ACOX3: variants seen among roughly 807,000 people sequenced by gnomAD.
ACOX3 encodes peroxisomal acyl-coenzyme A oxidase 3.
ACOX3 carries 73 observed loss-of-function variants against 81.5 expected under a neutral mutation model. The observed-to-expected ratio is 0.90, with a 90% CI of 0.74 to 1.09. The LOEUF (loss-of-function observed/expected upper bound fraction) is 1.09, where lower values mean the gene tolerates loss of function less well. Ranked by LOEUF, ACOX3 falls within the 50% of genes least tolerant of loss-of-function variation. ACOX3 has a pLI of 0.00. For synonymous variants in ACOX3, 387 were observed against 375.1 expected (o/e 1.03, Z -0.37); for missense variants, 947 against 928.0 (o/e 1.02, Z -0.27).
chr4:8,419,967 C>A lies in ACOX3; in HGVS notation c.-14-3432G>T, dbSNP rs576257429. Among the ~76,000 whole-genome samples, 4 of 152,326 alleles carry A rather than the reference C, an allele frequency of 2.6e-5. No homozygotes were observed. Among genetic ancestry groups the A allele is most frequent in the African/African-American group, 9.6e-5 (4 of 41,574 alleles). On this transcript the variant is annotated intron_variant, in intron 1 of 17. Coordinates refer to ENST00000356406, the MANE Select transcript of ACOX3 (RefSeq NM_003501.3). This position sits in a 1 kb window ranked among gnomAD's most constrained non-coding sequence, Gnocchi z 4.2. ...CCTTACGGAATCTTCTCATTTCTCTCCAGCCTGATAAAACCCTCATAACAA... is the reference window on the plus strand; with the variant it reads ...CCTTACGGAATCTTCTCATTTCTCTACAGCCTGATAAAACCCTCATAACAA...
At position 8,416,290 on chromosome 4, in the gene ACOX3, G is replaced by T; in HGVS notation, c.144+88C>A. On this transcript the variant is annotated intron_variant, in intron 2 of 17. Transcript: ENST00000356406. This position sits in a 1 kb window ranked among gnomAD's most constrained non-coding sequence, Gnocchi z 4.2. ...GGATGAGCCTCGCCCGGCAGAGGAG[G>T]AGCTGTGAGAGCCAGAAATCCCATT... The T allele has an allele frequency of 6.2e-7, 1 of 1,605,850 alleles. No individual in the cohort carries two copies. Among genetic ancestry groups the T allele is most frequent in the South Asian group, 1.1e-5 (1 of 90,544 alleles).
In ACOX3 at chr4:8,384,103, T is replaced by C. The variant is rs578258797; in HGVS notation, c.1538-2496A>G. 3.9e-5 allele frequency among the ~76,000 whole-genome samples: 6 copies of C among 152,246 alleles called. No individual in the cohort carries two copies. Among genetic ancestry groups the C allele is most frequent in the South Asian group, 4.1e-4 (2 of 4,828 alleles). On this transcript the variant is annotated intron_variant, in intron 13 of 17. Coordinates refer to ENST00000356406, the MANE Select transcript of ACOX3 (RefSeq NM_003501.3). This position sits in a 1 kb window ranked among gnomAD's most constrained non-coding sequence, Gnocchi z 5.3. Reference sequence around the variant, plus strand: ...GACACTTCACGGCAGTTACCCGAGTTTTCCAATCTGTCTCTGCAACCAGAA... The same window carrying C: ...GACACTTCACGGCAGTTACCCGAGTCTTCCAATCTGTCTCTGCAACCAGAA...
intron 14 of ACOX3, among the ~76,000 whole-genome samples, chr4:8,378,506 G>A (rs1332074628): frequency 6.6e-6 from 1 of 151,876 alleles, no homozygotes; most frequent in Non-Finnish European, 1.5e-5. Context: ...CTGCGGGGAC[G>A]CCACCACCCA....
At chr4:8,428,972 G>C (rs187782814) in intron 1 of ACOX3, among the ~76,000 whole-genome samples, 261 of 152,280 alleles carry the variant, frequency 1.7e-3, no homozygotes, top group Non-Finnish European at 2.7e-3. Flanking sequence ...GCCCCTAGTG[G>C]AAGTGGGCCC....
At chr4:8,375,634 TCCTCCAAAG>T (rs1008980640) in intron 14 of ACOX3, among the ~76,000 whole-genome samples, 4 of 152,220 alleles carry the variant, frequency 2.6e-5, no homozygotes, top group African/African-American at 7.2e-5. Flanking sequence ...TGCCACCCCG[TCCTCCAAAG>T]CCTCCAAAGC....
intron 16 of ACOX3, among the ~76,000 whole-genome samples, chr4:8,371,265 G>A (rs1441857381): frequency 1.3e-5 from 2 of 152,276 alleles, no homozygotes; most frequent in Non-Finnish European, 2.9e-5. Context: ...TAAAAGTGAC[G>A]ACCCTGAAGC....
intron 1 of ACOX3, among the ~76,000 whole-genome samples, chr4:8,433,610 C>T (rs1394549420): frequency 6.6e-6 from 1 of 152,232 alleles, no homozygotes; most frequent in African/African-American, 2.4e-5. Context: ...GCCAGTGTGT[C>T]TGGGAGGATA....
chr4:8,401,346 C>T (rs1720353831), intron 7 of ACOX3, among the ~76,000 whole-genome samples: 1 of 152,176 alleles, frequency 6.6e-6, no homozygotes, highest in Admixed American at 6.5e-5. Context: ...ATCTCACATG[C>T]TGGAAGGGAA....
At chr4:8,388,663 G>A (rs1459388173) in intron 13 of ACOX3, among the ~76,000 whole-genome samples, 1 of 152,194 alleles carries the variant, frequency 6.6e-6, no homozygotes, top group Admixed American at 6.5e-5. Context: ...GCCCCACCCC[G>A]ACCACCGCAC....
Position 8,394,770 on chromosome 4 carries a change from C to T in ACOX3, c.1057-28G>A. 1 of 1,603,146 alleles carries T rather than the reference C, an allele frequency of 6.2e-7. No individual in the cohort carries two copies. The highest frequency in any genetic ancestry group is 8.5e-7 in the Non-Finnish European group (1 of 1,172,924). ...AGAACAGACAAGACACCTGCGTGAA[C>T]ACATCGTGGTTCCCATGAAGGGCAG... On this transcript the variant is annotated intron_variant, in intron 9 of 17. Coordinates refer to ENST00000356406, the MANE Select transcript of ACOX3 (RefSeq NM_003501.3). This position sits in a 1 kb window ranked among gnomAD's most constrained non-coding sequence, Gnocchi z 5.9.
the ACOX3 span, among the ~76,000 whole-genome samples, chr4:8,360,122 G>A: frequency 1.3e-5 from 2 of 152,106 alleles, no homozygotes; most frequent in African/African-American, 4.8e-5. Context: ...GTAACCATGT[G>A]GCCATGCTTT....
In ACOX3 at chr4:8,368,087, C is replaced by T. The variant is rs1026465382; in HGVS notation, c.1984-1007G>A. Among the ~76,000 whole-genome samples the T allele has an allele frequency of 2.6e-5, 4 of 152,208 alleles. No homozygotes were observed. Among genetic ancestry groups the T allele is most frequent in the Non-Finnish European group, 5.9e-5 (4 of 68,030 alleles). On this transcript the variant is annotated intron_variant, in intron 17 of 17. Transcript: ENST00000356406. The surrounding 1 kb of genome is among the most constrained non-coding windows in gnomAD (Gnocchi z 5.9). ...TGCTGCAAGGCTGCATCGACTGCTG[C>T]TCTGAAATCTGCTCTCACACCCCAG...
chr4:8,398,006 C>T (rs1180735754), intron 8 of ACOX3, among the ~76,000 whole-genome samples: 24 of 152,296 alleles, frequency 1.6e-4, no homozygotes, highest in Admixed American at 1.0e-3. Context: ...ACTAAAAGTA[C>T]GCAAATTAGC....
chr4:8,373,804 G>A, intron 15 of ACOX3, 176 bp from the exon 16 acceptor site: 1 of 630,520 alleles, frequency 1.6e-6, no homozygotes, highest in South Asian at 1.9e-5. Flanking sequence ...TGCTGCTCAG[G>A]GGCCGAGTTC....
At chr4:8,402,357 A>G (rs28647609) in intron 7 of ACOX3, among the ~76,000 whole-genome samples, 3,096 of 152,270 alleles carry the variant, frequency 0.02, 114 homozygotes, top group African/African-American at 0.07. Flanking sequence ...CCAGTTTGGT[A>G]GCAGCTTCCC....
chr4:8,389,151 A>T lies in ACOX3; in HGVS notation c.1537+22T>A, dbSNP rs1233842135. The T allele has an allele frequency of 6.3e-7, 1 of 1,581,416 alleles. No individual in the cohort carries two copies. Among genetic ancestry groups the T allele is most frequent in the Non-Finnish European group, 8.7e-7 (1 of 1,151,366 alleles). ...TGACAGGAAATCAGGAGGCCAGGGGAGCCCTCCACCTGTGTGTTTACCTGC... is the reference window on the plus strand; with the variant it reads ...TGACAGGAAATCAGGAGGCCAGGGGTGCCCTCCACCTGTGTGTTTACCTGC... On this transcript the variant is annotated intron_variant, in intron 13 of 17. Coordinates refer to ENST00000356406, the MANE Select transcript of ACOX3 (RefSeq NM_003501.3). The surrounding 1 kb of genome is among the most constrained non-coding windows in gnomAD (Gnocchi z 5.3).
intron 1 of ACOX3, among the ~76,000 whole-genome samples, chr4:8,425,377 C>T (rs1723372049): frequency 6.6e-6 from 1 of 151,618 alleles, no homozygotes; most frequent in Non-Finnish European, 1.5e-5. Context: ...TAGTTTCTTC[C>T]CCTCAGGATG....
In ACOX3 at chr4:8,384,028, C is replaced by T. The variant is rs2108834308; in HGVS notation, c.1538-2421G>A. 6.6e-6 allele frequency among the ~76,000 whole-genome samples: 1 copy of T among 152,364 alleles called. No individual in the cohort carries two copies. The highest frequency in any genetic ancestry group is 1.9e-4 in the East Asian group (1 of 5,178). ...GCCATGGCTGGGCTTCCCTCCCAGC[C>T]TGTCCTGGCCATTCCCAAACACTGC... On this transcript the variant is annotated intron_variant, in intron 13 of 17. Coordinates refer to ENST00000356406, the MANE Select transcript of ACOX3 (RefSeq NM_003501.3). This position sits in a 1 kb window ranked among gnomAD's most constrained non-coding sequence, Gnocchi z 5.3.
chr4:8,385,301 G>A lies in ACOX3; in HGVS notation c.1538-3694C>T, dbSNP rs1006249374. Reference sequence around the variant, plus strand: ...CCACGTGACCTCACCGCTCCCCCACGTGACTCCACCGCTCACCTGTGACCT... The same window carrying A: ...CCACGTGACCTCACCGCTCCCCCACATGACTCCACCGCTCACCTGTGACCT... On this transcript the variant is annotated intron_variant, in intron 13 of 17. Coordinates refer to ENST00000356406, the MANE Select transcript of ACOX3 (RefSeq NM_003501.3). This position sits in a 1 kb window ranked among gnomAD's most constrained non-coding sequence, Gnocchi z 5.5. Among the ~76,000 whole-genome samples the A allele has an allele frequency of 1.3e-5, 2 of 150,922 alleles. No homozygotes were observed. Among genetic ancestry groups the A allele is most frequent in the African/African-American group, 4.9e-5 (2 of 40,888 alleles).
Sources: gnomAD v4.1 joint callset for allele counts (sites outside exome capture counted in the v4.1 genomes callset) on GRCh38, gnomAD v4.1.1 for gene constraint, Gnocchi (gnomAD v3.1) non-coding constraint, MANE v1.5 for transcripts, NCBI Gene and HGNC (gene_info 2026-07-23, HGNC 2026-07-21) for gene names.